Variants in LMO7 observed in about 807,000 individuals in gnomAD.
LMO7 encodes the protein LIM domain only protein 7.
In LMO7, 120 loss-of-function variants were observed where a neutral mutation model predicts 206.5. That is an observed-to-expected ratio of 0.58 (90% CI 0.50 to 0.68). The LOEUF (loss-of-function observed/expected upper bound fraction) is 0.68. Ranked by LOEUF, LMO7 falls within the 30% of genes least tolerant of loss-of-function variation. The pLI is 0.00. For synonymous variants in LMO7, 706 were observed against 681.5 expected (o/e 1.04, Z -0.56); for missense variants, 1,959 against 1,957.9 (o/e 1.00, Z -0.01).
chr13:75,841,150 G>T lies in LMO7; in HGVS notation c.3624G>T (p.Trp1208Cys). 1 of 1,613,442 alleles carries T rather than the reference G, an allele frequency of 6.2e-7. No homozygotes were observed. Among genetic ancestry groups the T allele is most frequent in the Non-Finnish European group, 8.5e-7 (1 of 1,179,464 alleles). The change falls in exon 23 of 31, where the codon TGG becomes TGT. Residue 1208 changes from tryptophan (W) to cysteine (C), a missense_variant. Physicochemically the swap from Trp to Cys is radical, Grantham distance 215. Transcript: ENST00000377534. The part of the protein sequence containing the change: ...QREQEKLREE[W>C]QRAKQEAERE... ...AGCAGGAGAAACTGAGGGAAGAGTG[G>T]CAAAGGGCCAAACAGGAGGCAGAGA... is the stretch of plus-strand genomic sequence containing the variant.
rs766795824 is a variant in LMO7, at chr13:75,805,505, A to G, written c.941A>G (p.Asn314Ser). The G allele has an allele frequency of 6.4e-5, 103 of 1,613,892 alleles. No homozygotes were observed. The highest frequency in any genetic ancestry group is 8.1e-5 in the Non-Finnish European group (96 of 1,179,868). Residue 314 changes from asparagine to serine, a missense_variant, in exon 9 of 31, where the codon AAT becomes AGT. Asn to Ser is a conservative substitution (Grantham distance 46, BLOSUM62 1). Transcript: ENST00000377534. ...SSNQRRIWGT[N>S]VENWPTVQGT... ...AATCAGAGGAGGATTTGGGGCACCA[A>G]TGTGGAGAACTGGCCAACTGTACAA... is the stretch of plus-strand genomic sequence containing the variant.
chr13:75,636,688 T>G lies in LMO7; in HGVS notation c.31T>G (p.Cys11Gly). MEGLEEAEAN[C>G]SVAFAEAQRW... is the part of the protein sequence containing the mutation. ...AGGGCTGGAGGAGGCAGAGGCCAAC[T>G]GCTCCGTGGCGTTCGCTGAGGCTCA... The change falls in exon 1 of 31, where the codon TGC (cysteine) becomes GGC (glycine). Residue 11 changes from cysteine (C) to glycine (G), a missense_variant. Physicochemically the swap from Cys to Gly is radical, Grantham distance 159. Coordinates refer to ENST00000377534, the MANE Select transcript of LMO7 (RefSeq NM_001306080.2). The G allele has an allele frequency of 6.2e-7, 1 of 1,609,852 alleles. No homozygotes were observed. Among genetic ancestry groups the G allele is most frequent in the South Asian group, 1.1e-5 (1 of 89,980 alleles).
chr13:75,715,548 A>C (rs1330816940), intron 2 of LMO7, among the ~76,000 whole-genome samples: 1 of 152,232 alleles, frequency 6.6e-6, no homozygotes, highest in African/African-American at 2.4e-5. Context: ...AAAGTAGCTT[A>C]AGTAAATCTG....
At chr13:75,796,241 A>G (rs1016014343) in intron 5 of LMO7, among the ~76,000 whole-genome samples, 1 of 152,220 alleles carries the variant, frequency 6.6e-6, no homozygotes, top group African/African-American at 2.4e-5. Flanking sequence ...AGCTTTATTA[A>G]AAAGTTTAAC....
At chr13:75,662,202 A>T (rs1412619982) in intron 1 of LMO7, among the ~76,000 whole-genome samples, 2 of 152,242 alleles carry the variant, frequency 1.3e-5, no homozygotes, top group East Asian at 3.8e-4. Context: ...TTAAAAAATG[A>T]ATATAAGCAC....
intron 3 of LMO7, among the ~76,000 whole-genome samples, chr13:75,752,972 T>C (rs974027562): frequency 3.3e-5 from 5 of 152,218 alleles, no homozygotes; most frequent in African/African-American, 1.2e-4. Flanking sequence ...CTGGATCATA[T>C]GGTAGTTCTA....
intron 1 of LMO7, among the ~76,000 whole-genome samples, chr13:75,664,353 G>A (rs2038908640): frequency 6.6e-6 from 1 of 152,148 alleles, no homozygotes; most frequent in African/African-American, 2.4e-5. Context: ...TGTTTCAAAT[G>A]ACAGTGTCTT....
rs886118482 is a variant in LMO7, at chr13:75,850,314, C to T, written c.4364+1022C>T. Among the ~76,000 whole-genome samples the T allele has an allele frequency of 2.0e-5, 3 of 152,182 alleles. No homozygotes were observed. In the South Asian group the frequency reaches 6.2e-4, roughly 32 times the overall value. On this transcript the variant is annotated intron_variant, in intron 27 of 30. Coordinates refer to ENST00000377534, the MANE Select transcript of LMO7 (RefSeq NM_001306080.2). ...ATGGAAATAGGAGTTCTTCTTTCCA[C>T]TTGGTTGGACAGTTTTTCAGTATGT... is the stretch of plus-strand genomic sequence containing the variant.
chr13:75,632,040 A>G (rs896961861), upstream of LMO7: 1 of 152,198 alleles, frequency 6.6e-6, no homozygotes, highest in South Asian at 2.1e-4. Context: ...GTTCATCAGT[A>G]ATGCATCAAT....
intron 5 of LMO7, among the ~76,000 whole-genome samples, chr13:75,796,049 T>A (rs2053967273): frequency 6.6e-6 from 1 of 152,222 alleles, no homozygotes; most frequent in East Asian, 1.9e-4. Context: ...TTGTTATGTG[T>A]TAGCAATACG....
At chr13:75,772,157 TTAGAAATAATTA>T (rs1432651996) in intron 4 of LMO7, among the ~76,000 whole-genome samples, 1 of 152,124 alleles carries the variant, frequency 6.6e-6, no homozygotes. Flanking sequence ...TACCAAGCCT[TTAGAAATAATTA>T]TTTCTAACTT....
At chr13:75,837,392 C>G (rs1207077802) in intron 19 of LMO7, among the ~76,000 whole-genome samples, 1 of 152,156 alleles carries the variant, frequency 6.6e-6, no homozygotes, top group South Asian at 2.1e-4. Flanking sequence ...GATAGGTGAT[C>G]AGACATCTAG....
chr13:75,735,234 C>G (rs1326276449), intron 3 of LMO7, among the ~76,000 whole-genome samples: 1 of 151,828 alleles, frequency 6.6e-6, no homozygotes, highest in Non-Finnish European at 1.5e-5. Flanking sequence ...CATGCTGTGA[C>G]TCTACTTGTC....
intron 3 of LMO7, among the ~76,000 whole-genome samples, chr13:75,740,749 G>T (rs2046343436): frequency 6.6e-6 from 1 of 152,080 alleles, no homozygotes. Context: ...GCTGATTCTG[G>T]CTGTCATGAC....
intron 4 of LMO7, among the ~76,000 whole-genome samples, chr13:75,768,903 C>A (rs551159056): frequency 5.1e-4 from 77 of 152,132 alleles, no homozygotes; most frequent in Non-Finnish European, 1.0e-3. Flanking sequence ...AATGCTATTA[C>A]ACTAACAACA....
chr13:75,744,872 A>C (rs2139274292), intron 3 of LMO7, among the ~76,000 whole-genome samples: 1 of 152,336 alleles, frequency 6.6e-6, no homozygotes, highest in Non-Finnish European at 1.5e-5. Flanking sequence ...GACCAGAAAC[A>C]CAGTGCTCTA....
intron 6 of LMO7, 93 bp downstream of exon 6, chr13:75,796,842 A>T: frequency 1.3e-6 from 1 of 788,130 alleles, no homozygotes; most frequent in Non-Finnish European, 2.2e-6. Flanking sequence ...CTTCTCCTCT[A>T]TAACAAATAT....
intron 26 of LMO7, 48 bp from the exon 27 acceptor site, chr13:75,849,031 C>T: frequency 8.7e-7 from 1 of 1,153,690 alleles, no homozygotes. Context: ...ATCACTGTCA[C>T]TTTTAAAAGG....
At chr13:75,685,890 CTTTTTTT>C (rs551370410) in intron 1 of LMO7, among the ~76,000 whole-genome samples, 14 of 105,956 alleles carry the variant, frequency 1.3e-4, no homozygotes, top group South Asian at 6.4e-4. Flanking sequence ...TTTTCTTTCT[CTTTTTTT>C]TTTTTTTTTT....
Sources: gnomAD v4.1 joint callset for allele counts (sites outside exome capture counted in the v4.1 genomes callset) on GRCh38, gnomAD v4.1.1 for gene constraint, MANE v1.5 for transcripts, NCBI Gene and HGNC (gene_info 2026-07-23, HGNC 2026-07-21) for gene names.